FHIT: variants seen among roughly 807,000 people sequenced by gnomAD.
FHIT encodes the protein bis(5'-adenosyl)-triphosphatase.
FHIT carries 19 observed loss-of-function variants against 17.9 expected under a neutral mutation model. The observed-to-expected ratio is 1.06, with a 90% CI of 0.74 to 1.56. The LOEUF (loss-of-function observed/expected upper bound fraction) is 1.56, where lower values mean the gene tolerates loss of function less well. Among genes scored for constraint, FHIT ranks in the 40% most tolerant of loss-of-function variants. The probability of loss-of-function intolerance (pLI) is 0.00; values close to 1 mark genes in which losing one functional copy is unlikely to be tolerated. For synonymous variants in FHIT, 81 were observed against 69.7 expected (o/e 1.16, Z -0.81); for missense variants, 248 against 189.2 (o/e 1.31, Z -1.82).
At chr3:60,377,866 G>C (rs1237974379) in intron 5 of FHIT, among the ~76,000 whole-genome samples, 2 of 152,132 alleles carry the variant, frequency 1.3e-5, no homozygotes, top group Non-Finnish European at 2.9e-5. Flanking sequence ...CAGGGTTTAG[G>C]GAGGGGGCAC....
chr3:61,127,990 A>G (rs1405664573), intron 2 of FHIT, among the ~76,000 whole-genome samples: 3 of 152,258 alleles, frequency 2.0e-5, no homozygotes, highest in African/African-American at 7.2e-5. Context: ...AAACGAAAGT[A>G]TTAAACGGGT....
At chr3:60,233,466 AACAAAC>A (rs1704607115) in intron 5 of FHIT, among the ~76,000 whole-genome samples, 1 of 151,864 alleles carries the variant, frequency 6.6e-6, no homozygotes. Context: ...TGTCCACTCC[AACAAAC>A]TCCTCAGAGA....
chr3:60,177,645 G>C (rs1369565718), intron 5 of FHIT, among the ~76,000 whole-genome samples: 2 of 152,170 alleles, frequency 1.3e-5, no homozygotes, highest in Non-Finnish European at 2.9e-5. Context: ...TCTGAGATTA[G>C]TGATTTTTGA....
At chr3:60,607,341 C>A (rs149615871) in intron 4 of FHIT, among the ~76,000 whole-genome samples, 1 of 151,962 alleles carries the variant, frequency 6.6e-6, no homozygotes, top group African/African-American at 2.4e-5. Context: ...GTCACTTCCT[C>A]GGTGGGCCTC....
intron 8 of FHIT, among the ~76,000 whole-genome samples, chr3:59,783,809 C>T (rs760143184): frequency 3.3e-5 from 5 of 152,132 alleles, no homozygotes; most frequent in African/African-American, 4.8e-5. Context: ...AGTGAAAAAC[C>T]AATGTCTTGG....
chr3:61,236,885 T>G (rs2040242554), intron 1 of FHIT, among the ~76,000 whole-genome samples: 1 of 152,156 alleles, frequency 6.6e-6, no homozygotes, highest in African/African-American at 2.4e-5. Flanking sequence ...GAAGAGGCTC[T>G]TCAGGAGAGA....
At chr3:59,770,904 A>G (rs1702045561) in intron 8 of FHIT, among the ~76,000 whole-genome samples, 1 of 152,198 alleles carries the variant, frequency 6.6e-6, no homozygotes, top group South Asian at 2.1e-4. Context: ...GGCTGAAAGA[A>G]TCAATACAAC....
chr3:59,878,102 C>T (rs1210637524), intron 8 of FHIT, among the ~76,000 whole-genome samples: 1 of 152,084 alleles, frequency 6.6e-6, no homozygotes, highest in African/African-American at 2.4e-5. Context: ...CATATAAATG[C>T]AGCCATGAGC....
chr3:59,914,572 A>G (rs9837060), intron 8 of FHIT, among the ~76,000 whole-genome samples: 33,802 of 152,114 alleles, frequency 0.22, 3,954 homozygotes, highest in East Asian at 0.41. Context: ...ATTTAAAAAT[A>G]AAAACATTTA....
intron 5 of FHIT, among the ~76,000 whole-genome samples, chr3:60,441,434 T>C (rs1249399189): frequency 6.6e-6 from 1 of 151,780 alleles, no homozygotes; most frequent in African/African-American, 2.4e-5. Flanking sequence ...ATTTAAATAG[T>C]GGGCTGAAGA....
chr3:60,004,436 T>A (rs1276616218), intron 7 of FHIT, among the ~76,000 whole-genome samples: 1 of 152,178 alleles, frequency 6.6e-6, no homozygotes, highest in African/African-American at 2.4e-5. Flanking sequence ...AATTCTGCCA[T>A]AAATTGACAT....
intron 5 of FHIT, among the ~76,000 whole-genome samples, chr3:60,244,085 G>A (rs1705269669): frequency 6.6e-6 from 1 of 152,064 alleles, no homozygotes. Context: ...TTCCCATCAA[G>A]CCAGTATATA....
At chr3:59,880,241 G>T (rs940557990) in intron 8 of FHIT, among the ~76,000 whole-genome samples, 3 of 152,168 alleles carry the variant, frequency 2.0e-5, no homozygotes. Context: ...TACTCCAAGC[G>T]CCTTCCCTCC....
At chr3:60,807,070 T>C (rs1456383832) in intron 4 of FHIT, among the ~76,000 whole-genome samples, 1 of 152,200 alleles carries the variant, frequency 6.6e-6, no homozygotes, top group East Asian at 1.9e-4. Flanking sequence ...TCTAAATTAT[T>C]AATCAGTTGA....
intron 4 of FHIT, among the ~76,000 whole-genome samples, chr3:60,605,752 A>G (rs1241330994): frequency 6.6e-6 from 1 of 152,186 alleles, no homozygotes; most frequent in Non-Finnish European, 1.5e-5. Flanking sequence ...GTGGGAACAC[A>G]GCTAATGGGG....
chr3:59,964,021 G>A (rs1707809374), intron 7 of FHIT, among the ~76,000 whole-genome samples: 1 of 152,164 alleles, frequency 6.6e-6, no homozygotes. Flanking sequence ...CAGAACAAAT[G>A]TGGTCAACCA....
At chr3:60,018,323 C>T (rs1700423317) in intron 5 of FHIT, among the ~76,000 whole-genome samples, 1 of 152,198 alleles carries the variant, frequency 6.6e-6, no homozygotes, top group Non-Finnish European at 1.5e-5. Context: ...TGCCCCCAAA[C>T]ACTTCCCATT....
At chr3:60,252,630 C>T (rs941130416) in intron 5 of FHIT, among the ~76,000 whole-genome samples, 1 of 151,738 alleles carries the variant, frequency 6.6e-6, no homozygotes, top group Admixed American at 6.6e-5. Context: ...TAGTAGACAC[C>T]TTTATTCCAG....
At chr3:60,673,705 A>G (rs944451663) in intron 4 of FHIT, among the ~76,000 whole-genome samples, 2 of 152,222 alleles carry the variant, frequency 1.3e-5, no homozygotes, top group African/African-American at 4.8e-5. Context: ...TAAATTTAAA[A>G]AAAGAATTTA....
Sources: allele counts gnomAD v4.1 joint callset (sites outside exome capture counted in the v4.1 genomes callset), GRCh38; gene constraint gnomAD v4.1.1; transcripts MANE v1.5; gene names NCBI Gene and HGNC (gene_info 2026-07-23, HGNC 2026-07-21).